Variants in ZSCAN22 observed in about 807,000 individuals in gnomAD.
The protein encoded by ZSCAN22 is zinc finger and SCAN domain-containing protein 22.
In ZSCAN22, 7 loss-of-function variants were observed where a neutral mutation model predicts 12.4. That is an observed-to-expected ratio of 0.57 (90% CI 0.32 to 1.06). The LOEUF is 1.06. Among genes scored for constraint, ZSCAN22 ranks in the 50% least tolerant of loss-of-function variants. The pLI is 0.04. For synonymous variants in ZSCAN22, 243 were observed against 255.9 expected (o/e 0.95, Z 0.48); for missense variants, 576 against 631.7 (o/e 0.91, Z 0.94).
At chr19:58,337,280 C>G (rs2051809539) in intron 2 of ZSCAN22, among the ~76,000 whole-genome samples, 1 of 152,254 alleles carries the variant, frequency 6.6e-6, no homozygotes, top group African/African-American at 2.4e-5. Context: ...TGGACACATC[C>G]AGGCCTAGAG....
Position 58,335,246 on chromosome 19 carries a change from TA to T in ZSCAN22, c.403+42del, listed in dbSNP as rs779217968. On this transcript the variant is annotated intron_variant, in intron 2 of 2. Transcript: ENST00000329665. The surrounding 1 kb of genome is among the most constrained non-coding windows in gnomAD (Gnocchi z 4.1). ...GGGCAGCTTCACGGCACACCAGAGA[TA>T]CACCCTGGACAGGAACATGGGAGCA... 9 of 1,503,790 alleles carry T rather than the reference TA, an allele frequency of 6.0e-6. No homozygotes were observed. In the East Asian group the frequency reaches 1.9e-4, roughly 32 times the overall value. 93.2% of individuals were successfully genotyped at this position (1,503,790 alleles called of 1,614,324 possible). A position where few individuals can be genotyped will look rare whatever the true frequency, so the allele number is the denominator to read the frequency against.
At chr19:58,330,573 T>C (rs60348321) in intron 1 of ZSCAN22, among the ~76,000 whole-genome samples, 15,670 of 152,202 alleles carry the variant, frequency 0.1, 1,284 homozygotes, top group African/African-American at 0.21. Context: ...GGAGGAAAGA[T>C]CGCAGATAGC....
chr19:58,338,350 G>T lies in ZSCAN22; in HGVS notation c.500G>T (p.Gly167Val), dbSNP rs1306823420. 6.2e-7 allele frequency: 1 copy of T among 1,614,166 alleles called. No individual in the cohort carries two copies. The highest frequency in any genetic ancestry group is 1.7e-5 in the Admixed American group (1 of 60,020). ...PSNVTETLMG[G>V]VSLGPAFVKA... ...AATGTCACTGAGACCCTCATGGGAG[G>T]TGTTTCCCTTGGACCCGCCTTTGTC... Residue 167 changes from glycine to valine, a missense_variant, in exon 3 of 3, where the codon GGT becomes GTT. Transcript: ENST00000329665. The surrounding 1 kb of genome is among the most constrained non-coding windows in gnomAD (Gnocchi z 5.4).
Position 58,340,813 on chromosome 19 carries a change from T to C in ZSCAN22, c.*1487T>C, listed in dbSNP as rs1236172143. The C allele has an allele frequency of 6.6e-6, 1 of 152,112 alleles. No individual in the cohort carries two copies. The highest frequency in any genetic ancestry group is 1.9e-4 in the East Asian group (1 of 5,184). 9.4% of individuals were successfully genotyped at this position (152,112 alleles called of 1,614,324 possible). On this transcript the variant is annotated 3_prime_UTR_variant, in exon 3 of 3. Transcript: ENST00000329665. ...TTTTTCATCTAAGGTGTTTCAAATG[T>C]TGCCCAAAGAAACCTCCCTGCTCTC...
intron 2 of ZSCAN22, among the ~76,000 whole-genome samples, chr19:58,336,458 C>A (rs1441332615): frequency 1.3e-5 from 2 of 152,024 alleles, no homozygotes; most frequent in African/African-American, 4.8e-5. Context: ...GGTCAAAGGC[C>A]TGGCAGTGTG....
chr19:58,337,890 G>C (rs1180122660), intron 2 of ZSCAN22, among the ~76,000 whole-genome samples: 1 of 152,188 alleles, frequency 6.6e-6, no homozygotes, highest in Non-Finnish European at 1.5e-5. Context: ...ATCAGAGCCT[G>C]CAGGGGTGCA....
At position 58,329,499 on chromosome 19, in the gene ZSCAN22, G is replaced by A. The variant is rs1302137957; in HGVS notation, c.-52+2385G>A. On this transcript the variant is annotated intron_variant, in intron 1 of 2. Transcript: ENST00000329665. This position sits in a 1 kb window ranked among gnomAD's most constrained non-coding sequence, Gnocchi z 4.1. ...AGCAAAGTGTCGAGGTCTCCTAGGAGAGGTTACACTTAATTTAGGGTATTC... is the reference window on the plus strand; with the variant it reads ...AGCAAAGTGTCGAGGTCTCCTAGGAAAGGTTACACTTAATTTAGGGTATTC... 6.6e-6 allele frequency among the ~76,000 whole-genome samples: 1 copy of A among 152,236 alleles called. No individual in the cohort carries two copies. The highest frequency in any genetic ancestry group is 1.9e-4 in the East Asian group (1 of 5,198).
At chr19:58,331,516 ACGTTATTATTATTATTATTAT>A (rs2051724437) in intron 1 of ZSCAN22, among the ~76,000 whole-genome samples, 1 of 130,124 alleles carries the variant, frequency 7.7e-6, no homozygotes, top group Non-Finnish European at 1.7e-5. Context: ...CGTCCAGCTG[ACGTTATTATTATTATTATTAT>A]TATTATTATT....
intron 2 of ZSCAN22, among the ~76,000 whole-genome samples, chr19:58,336,053 A>C (rs1235620122): frequency 2.6e-5 from 4 of 152,312 alleles, no homozygotes; most frequent in Admixed American, 6.5e-5. Context: ...TGCAGTGTGC[A>C]GGAGGAATGT....
chr19:58,339,201 C>T lies in ZSCAN22; in HGVS notation c.1351C>T (p.Leu451Phe), dbSNP rs145683189. 2,209 of 1,613,978 alleles carry T rather than the reference C, an allele frequency of 1.4e-3. 30 individuals carry two copies. In the South Asian group the frequency reaches 0.017, roughly 13 times the overall value. The change falls in exon 3 of 3, where the codon CTC (leucine) becomes TTC (phenylalanine). Residue 451 changes from leucine (L) to phenylalanine (F), a missense_variant. Physicochemically the swap from Leu to Phe is conservative, Grantham distance 22 (BLOSUM62 0). Transcript: ENST00000329665. This position sits in a 1 kb window ranked among gnomAD's most constrained non-coding sequence, Gnocchi z 5.6. Reference protein sequence around the residue: ...CPKAFAQSSSLIEHQRIHTGE... With the variant: ...CPKAFAQSSSFIEHQRIHTGE... ...GAAGGCCTTTGCACAGAGCTCCTCCCTCATTGAGCACCAGAGGATCCACAC... is the reference window on the plus strand; with the variant it reads ...GAAGGCCTTTGCACAGAGCTCCTCCTTCATTGAGCACCAGAGGATCCACAC...
intron 1 of ZSCAN22, among the ~76,000 whole-genome samples, chr19:58,332,461 G>T (rs1217649564): frequency 1.3e-5 from 2 of 151,442 alleles, no homozygotes; most frequent in Non-Finnish European, 2.9e-5. Flanking sequence ...TTTTAGTAGA[G>T]ACGGGGTTTC....
rs138228981 is a variant in ZSCAN22 at position 58,334,844 on chromosome 19, A to G, written c.42A>G (p.Glu14=). 4 of 1,613,300 alleles carry G rather than the reference A, an allele frequency of 2.5e-6. No homozygotes were observed. Among genetic ancestry groups the G allele is most frequent in the East Asian group, 2.2e-5 (1 of 44,886 alleles). The stretch of plus-strand genomic sequence containing the variant: ...ACTCCCTGAGCCCAGTGCCGTGGGA[A>G]GAGGACAGCTTCCTTCAAGTGAAGG... The part of the protein sequence containing the change: ...PKHSLSPVPW[E]EDSFLQVKVE... The change falls in exon 2 of 3, where the codon GAA becomes GAG. Residue 14 remains glutamate (E), a synonymous_variant. Transcript: ENST00000329665.
chr19:58,330,455 G>T (rs2051709795), intron 1 of ZSCAN22, among the ~76,000 whole-genome samples: 1 of 152,306 alleles, frequency 6.6e-6, no homozygotes, highest in East Asian at 1.9e-4. Flanking sequence ...GTTTGCCAAA[G>T]ATATTCTAAT....
rs2147981204 is a variant in ZSCAN22, at chr19:58,329,244, C to T, written c.-52+2130C>T. ...CACCAAAAGGTTTCAGGATTGGGGT[C>T]TTGTTTTAGAGTAACGTTCTCTTCT... On this transcript the variant is annotated intron_variant, in intron 1 of 2. Transcript: ENST00000329665. This position sits in a 1 kb window ranked among gnomAD's most constrained non-coding sequence, Gnocchi z 4.1. Among the ~76,000 whole-genome samples the T allele has an allele frequency of 6.6e-6, 1 of 152,330 alleles. No individual in the cohort carries two copies. Among genetic ancestry groups the T allele is most frequent in the South Asian group, 2.1e-4 (1 of 4,830 alleles).
chr19:58,332,076 T>C (rs2051733423), intron 1 of ZSCAN22, among the ~76,000 whole-genome samples: 1 of 151,658 alleles, frequency 6.6e-6, no homozygotes, highest in African/African-American at 2.4e-5. Flanking sequence ...TTTCTCCATA[T>C]TGGTCAGGCT....
At chr19:58,332,515 T>C (rs60296671) in intron 1 of ZSCAN22, among the ~76,000 whole-genome samples, 15,733 of 152,000 alleles carry the variant, frequency 0.1, 1,304 homozygotes, top group African/African-American at 0.22. Context: ...CCTCAGGTGA[T>C]CTACCCACCT....
intron 1 of ZSCAN22, among the ~76,000 whole-genome samples, chr19:58,334,291 C>T (rs751051298): frequency 2.6e-5 from 4 of 152,092 alleles, no homozygotes; most frequent in Admixed American, 6.6e-5. Context: ...AAAGTCCCAC[C>T]TCCTGAGTTT....
At chr19:58,336,300 C>A (rs1486946832) in intron 2 of ZSCAN22, among the ~76,000 whole-genome samples, 2 of 152,072 alleles carry the variant, frequency 1.3e-5, no homozygotes, top group Admixed American at 6.6e-5. Flanking sequence ...TTGTTCAGCT[C>A]TGGGAGAAAC....
chr19:58,338,373 G>A lies in ZSCAN22; in HGVS notation c.523G>A (p.Val175Ile). 6.2e-7 allele frequency: 1 copy of A among 1,614,220 alleles called. No individual in the cohort carries two copies. The highest frequency in any genetic ancestry group is 8.5e-7 in the Non-Finnish European group (1 of 1,180,032). ...MGGVSLGPAF[V>I]KACEPEGSSE... ...AGGTGTTTCCCTTGGACCCGCCTTTGTCAAGGCATGTGAACCTGAGGGCAG... is the reference window on the plus strand; with the variant it reads ...AGGTGTTTCCCTTGGACCCGCCTTTATCAAGGCATGTGAACCTGAGGGCAG... Residue 175 changes from valine to isoleucine, a missense_variant, in exon 3 of 3, where the codon GTC (valine) becomes ATC (isoleucine). By Grantham distance (29) the Val-to-Ile change is conservative (BLOSUM62 3). Transcript: ENST00000329665. The surrounding 1 kb of genome is among the most constrained non-coding windows in gnomAD (Gnocchi z 5.4).
Sources: gnomAD v4.1 joint callset for allele counts (sites outside exome capture counted in the v4.1 genomes callset) on GRCh38, gnomAD v4.1.1 for gene constraint, Gnocchi (gnomAD v3.1) non-coding constraint, MANE v1.5 for transcripts, NCBI Gene and HGNC (gene_info 2026-07-23, HGNC 2026-07-21) for gene names.